Variants in CNTNAP2 observed in about 807,000 individuals in gnomAD.
CNTNAP2 encodes contactin-associated protein-like 2.
In CNTNAP2, 98 loss-of-function variants were observed where a neutral mutation model predicts 155.2. That is an observed-to-expected ratio of 0.63 (90% CI 0.54 to 0.75). The LOEUF is 0.75. Ranked by LOEUF, CNTNAP2 falls within the 30% of genes least tolerant of loss-of-function variation. The pLI, the probability that CNTNAP2 is intolerant of heterozygous loss-of-function variation, is 0.00. For synonymous variants in CNTNAP2, 651 were observed against 631.2 expected (o/e 1.03, Z -0.47); for missense variants, 1,727 against 1,688.1 (o/e 1.02, Z -0.40).
intron 13 of CNTNAP2, among the ~76,000 whole-genome samples, chr7:147,699,934 T>C (rs1796211274): frequency 6.6e-6 from 1 of 152,208 alleles, no homozygotes; most frequent in African/African-American, 2.4e-5. Flanking sequence ...AATCACACAA[T>C]ATGTGGCTTT....
In CNTNAP2 at chr7:146,374,875, AC is replaced by A. The variant is rs11300081; in HGVS notation, c.97+257903del. On this transcript the variant is annotated intron_variant, in intron 1 of 23. Transcript: ENST00000361727. ...CAACTAAGTAAGTGAATGTGCAACT[AC>A]AGAATTTGTTTAAAATCTGATGAAG... Among the ~76,000 whole-genome samples, 467 of 152,324 alleles carry A rather than the reference AC, an allele frequency of 3.1e-3. 2 individuals carry two copies. The highest frequency in any genetic ancestry group is 0.011 in the African/African-American group (452 of 41,572).
At chr7:147,904,669 G>A (rs1372741364) in intron 14 of CNTNAP2, among the ~76,000 whole-genome samples, 1 of 152,120 alleles carries the variant, frequency 6.6e-6, no homozygotes, top group Non-Finnish European at 1.5e-5. Flanking sequence ...AACAAATTCT[G>A]AGAACGTAAC....
At chr7:147,114,755 C>A (rs1046091466) in intron 5 of CNTNAP2, among the ~76,000 whole-genome samples, 37 of 152,136 alleles carry the variant, frequency 2.4e-4, no homozygotes, top group African/African-American at 8.7e-4. Context: ...GGTCTTGGCT[C>A]TTTATCCAGC....
chr7:147,765,694 T>G (rs984738235), intron 13 of CNTNAP2, among the ~76,000 whole-genome samples: 3 of 152,182 alleles, frequency 2.0e-5, no homozygotes, highest in Admixed American at 1.3e-4. Context: ...AAAAAACATG[T>G]GGTTATCATT....
At chr7:146,683,927 C>T (rs1197454224) in intron 1 of CNTNAP2, among the ~76,000 whole-genome samples, 1 of 152,172 alleles carries the variant, frequency 6.6e-6, no homozygotes, top group Non-Finnish European at 1.5e-5. Flanking sequence ...TCTTGCCATC[C>T]TGTAAATAGT....
chr7:146,754,331 G>C (rs771544575), intron 1 of CNTNAP2, among the ~76,000 whole-genome samples: 19 of 151,790 alleles, frequency 1.3e-4, no homozygotes, highest in African/African-American at 2.9e-4. Context: ...AGTAAAAGAA[G>C]CAACATAAGG....
At chr7:147,845,021 A>G (rs1355863558) in intron 13 of CNTNAP2, among the ~76,000 whole-genome samples, 4 of 115,406 alleles carry the variant, frequency 3.5e-5, no homozygotes, top group African/African-American at 1.3e-4. Context: ...GGATTTTTGC[A>G]TCAATGTTCA....
At position 146,352,006 on chromosome 7, in the gene CNTNAP2, C is replaced by T. The variant is rs545023254; in HGVS notation, c.97+235033C>T. Reference sequence around the variant, plus strand: ...AGTGTCAAAACATAGACATTACATACAGAGGAAAGAAGACTTCAAGGGTTA... The same window carrying T: ...AGTGTCAAAACATAGACATTACATATAGAGGAAAGAAGACTTCAAGGGTTA... On this transcript the variant is annotated intron_variant, in intron 1 of 23. Coordinates refer to ENST00000361727, the MANE Select transcript of CNTNAP2 (RefSeq NM_014141.6). 2.0e-5 allele frequency among the ~76,000 whole-genome samples: 3 copies of T among 152,256 alleles called. No homozygotes were observed. The East Asian group carries it at 5.8e-4, about 29-fold the overall frequency.
chr7:147,319,816 G>A (rs947224663), intron 9 of CNTNAP2, among the ~76,000 whole-genome samples: 2 of 152,140 alleles, frequency 1.3e-5, no homozygotes, highest in Non-Finnish European at 2.9e-5. Flanking sequence ...ACTTAGTAAC[G>A]ATTTAAACTG....
chr7:147,060,419 C>A (rs750416666), intron 4 of CNTNAP2, among the ~76,000 whole-genome samples: 1 of 152,116 alleles, frequency 6.6e-6, no homozygotes, highest in South Asian at 2.1e-4. Context: ...TTTCACTTAG[C>A]AGTTTGATTT....
chr7:147,231,462 G>T (rs2116618164), intron 8 of CNTNAP2, among the ~76,000 whole-genome samples: 1 of 152,294 alleles, frequency 6.6e-6, no homozygotes, highest in South Asian at 2.1e-4. Flanking sequence ...AAGTGGGATT[G>T]CCAGATCACG....
intron 20 of CNTNAP2, among the ~76,000 whole-genome samples, chr7:148,249,221 T>C (rs1796325319): frequency 6.6e-6 from 1 of 152,232 alleles, no homozygotes; most frequent in African/African-American, 2.4e-5. Context: ...TTATGGATAC[T>C]ATCAATGACC....
chr7:146,244,110 A>G (rs1379361201), intron 1 of CNTNAP2, among the ~76,000 whole-genome samples: 20 of 149,980 alleles, frequency 1.3e-4, no homozygotes, highest in South Asian at 2.1e-4. Context: ...ATGGAATAAG[A>G]GAAGGAGAAA....
At chr7:147,457,710 T>C (rs1797944571) in intron 10 of CNTNAP2, among the ~76,000 whole-genome samples, 3 of 152,180 alleles carry the variant, frequency 2.0e-5, no homozygotes. Flanking sequence ...AACAGTATTC[T>C]ACAAAGTTCT....
At chr7:148,252,119 G>T (rs1315937367) in intron 20 of CNTNAP2, among the ~76,000 whole-genome samples, 1 of 152,132 alleles carries the variant, frequency 6.6e-6, no homozygotes, top group Non-Finnish European at 1.5e-5. Flanking sequence ...TTCCAATTTG[G>T]GAATTGAATG....
At chr7:146,443,205 C>A (rs1796351124) in intron 1 of CNTNAP2, among the ~76,000 whole-genome samples, 1 of 149,070 alleles carries the variant, frequency 6.7e-6, no homozygotes, top group Admixed American at 6.7e-5. Flanking sequence ...CAGAGCGAGA[C>A]TCCGTCTCTA....
chr7:147,650,727 G>A (rs534382602), intron 13 of CNTNAP2, among the ~76,000 whole-genome samples: 1 of 152,200 alleles, frequency 6.6e-6, no homozygotes, highest in East Asian at 1.9e-4. Flanking sequence ...TTTGTGGGGA[G>A]TCAAAGATGT....
At chr7:148,174,625 G>A (rs780474894) in intron 18 of CNTNAP2, among the ~76,000 whole-genome samples, 5 of 152,300 alleles carry the variant, frequency 3.3e-5, no homozygotes, top group African/African-American at 7.2e-5. Flanking sequence ...GCCGGACTAC[G>A]TGTTTATACA....
At chr7:146,456,535 C>A (rs1239360822) in intron 1 of CNTNAP2, among the ~76,000 whole-genome samples, 1 of 152,124 alleles carries the variant, frequency 6.6e-6, no homozygotes, top group Admixed American at 6.6e-5. Flanking sequence ...AAAGGGTTTG[C>A]TGTTACTGAG....
Sources: gnomAD v4.1 joint callset for allele counts (sites outside exome capture counted in the v4.1 genomes callset) on GRCh38, gnomAD v4.1.1 for gene constraint, MANE v1.5 for transcripts, NCBI Gene and HGNC (gene_info 2026-07-23, HGNC 2026-07-21) for gene names.